CEP68: variants seen among roughly 807,000 people sequenced by gnomAD.
CEP68 encodes centrosomal protein of 68 kDa.
Under a neutral mutation model 55.3 loss-of-function variants are expected in CEP68, and 26 were observed. The ratio of observed to expected loss-of-function variants is 0.47; its 90% CI spans 0.34 to 0.65. CEP68 has a LOEUF of 0.65. Ranked by LOEUF, CEP68 falls within the 30% of genes least tolerant of loss-of-function variation. The pLI, the probability that CEP68 is intolerant of heterozygous loss-of-function variation, is 0.01. For synonymous variants in CEP68, 402 were observed against 383.2 expected (o/e 1.05, Z -0.57); for missense variants, 957 against 946.7 (o/e 1.01, Z -0.14).
rs183629174 is a variant in CEP68 at position 65,072,398 on chromosome 2, C to G, written c.1302C>G (p.Gly434=). ...RLTIGKHLDM[G]SPQLRTRDRG... is the part of the protein sequence containing the mutation. ...CTATAGGCAAGCACCTTGATATGGG[C>G]TCTCCCCAGCTAAGGACACGGGACA... The change falls in exon 3 of 7, where the codon GGC becomes GGG. Residue 434 remains glycine (G), a synonymous_variant. Coordinates refer to ENST00000377990, the MANE Select transcript of CEP68 (RefSeq NM_015147.3). 1.9e-6 allele frequency: 3 copies of G among 1,613,918 alleles called. No homozygotes were observed. The highest frequency in any genetic ancestry group is 1.7e-5 in the Admixed American group (1 of 60,016).
In CEP68 at chr2:65,072,144, C is replaced by T. The variant is rs1558562413; in HGVS notation, c.1048C>T (p.Pro350Ser). The change falls in exon 3 of 7, where the codon CCT (proline) becomes TCT (serine). Residue 350 changes from proline to serine, a missense_variant. Coordinates refer to ENST00000377990, the MANE Select transcript of CEP68 (RefSeq NM_015147.3). ...SVSPASTLKSPTNVSPNCPPA... is the reference protein window; with the variant it reads ...SVSPASTLKSSTNVSPNCPPA... Reference sequence around the variant, plus strand: ...CTCTCCAGCAAGCACCCTCAAATCACCTACTAATGTCTCCCCCAACTGCCC... The same window carrying T: ...CTCTCCAGCAAGCACCCTCAAATCATCTACTAATGTCTCCCCCAACTGCCC... The T allele has an allele frequency of 2.5e-6, 4 of 1,614,096 alleles. No homozygotes were observed.
chr2:65,061,524 C>T (rs1268117282), intron 1 of CEP68, among the ~76,000 whole-genome samples: 2 of 152,274 alleles, frequency 1.3e-5, no homozygotes, highest in African/African-American at 4.8e-5. Context: ...GTCTACCCTC[C>T]GTAGCTTTGA....
chr2:65,066,779 A>G (rs1177845727), intron 1 of CEP68, among the ~76,000 whole-genome samples: 1 of 138,724 alleles, frequency 7.2e-6, no homozygotes, highest in Non-Finnish European at 1.5e-5. Context: ...CACACACAAA[A>G]AAAAATTAGC....
rs377251972 is a variant in CEP68, at chr2:65,071,781, G to C, written c.685G>C (p.Glu229Gln). Reference sequence around the variant, plus strand: ...TCTGGCCAAGGTCTCCTCCTCCCTGGAGCCGGTCGTCCCCCAGGAACCTTC... The same window carrying C: ...TCTGGCCAAGGTCTCCTCCTCCCTGCAGCCGGTCGTCCCCCAGGAACCTTC... ...GSLAKVSSSL[E>Q]PVVPQEPSSV... Residue 229 changes from glutamate to glutamine, a missense_variant, in exon 3 of 7, where the codon GAG becomes CAG. Transcript: ENST00000377990. 1.9e-6 allele frequency: 3 copies of C among 1,611,690 alleles called. No individual in the cohort carries two copies. In the African/African-American group the frequency reaches 4.0e-5, roughly 22 times the overall value.
At chr2:65,075,902 C>G (rs78178735) in intron 4 of CEP68, among the ~76,000 whole-genome samples, 1 of 152,056 alleles carries the variant, frequency 6.6e-6, no homozygotes, top group African/African-American at 2.4e-5. Flanking sequence ...TTCCTGGGAC[C>G]GTACTCCAGC....
chr2:65,082,630 C>G lies in CEP68; in HGVS notation c.2199C>G (p.Asp733Glu). The G allele has an allele frequency of 6.2e-7, 1 of 1,612,444 alleles. No homozygotes were observed. Among genetic ancestry groups the G allele is most frequent in the South Asian group, 1.1e-5 (1 of 90,930 alleles). The change falls in exon 6 of 7, where the codon GAC becomes GAG. Residue 733 changes from aspartate to glutamate, a missense_variant. Physicochemically the swap from Asp to Glu is conservative, Grantham distance 45 (BLOSUM62 2). Transcript: ENST00000377990. Reference sequence around the variant, plus strand: ...ATGACTCTATCTTGGCCTCTCTGGACATGCTGGCTGGCTGCACCCTTATCC... The same window carrying G: ...ATGACTCTATCTTGGCCTCTCTGGAGATGCTGGCTGGCTGCACCCTTATCC... ...RLYDSILASL[D>E]MLAGCTLIPD...
chr2:65,072,359 G>A lies in CEP68; in HGVS notation c.1263G>A (p.Ala421=), dbSNP rs143142350. Residue 421 remains alanine, a synonymous_variant, in exon 3 of 7, where the codon GCG becomes GCA. Transcript: ENST00000377990. ...WERREPALRG[A]KDRLTIGKHL... ...GCAGAGAGCCAGCCCTGAGGGGTGC[G>A]AAGGACCGGCTGACTATAGGCAAGC... The A allele has an allele frequency of 4.8e-4, 772 of 1,613,918 alleles. 8 individuals are homozygous for A. The South Asian group carries it at 5.3e-3, about 11-fold the overall frequency.
At chr2:65,081,977 G>A (rs1357344116) in intron 5 of CEP68, among the ~76,000 whole-genome samples, 3 of 152,236 alleles carry the variant, frequency 2.0e-5, no homozygotes, top group Non-Finnish European at 4.4e-5. Flanking sequence ...TGGGATTACA[G>A]GCGTGAGCCA....
At chr2:65,076,995 C>CCT (rs1676795121) in intron 4 of CEP68, among the ~76,000 whole-genome samples, 8 of 118,264 alleles carry the variant, frequency 6.8e-5, no homozygotes, top group Non-Finnish European at 9.9e-5. Context: ...TTGACTTTAC[C>CCT]TTTTTTTTTT....
rs536880483 is a variant in CEP68, at chr2:65,074,985, G to A, written c.2007+581G>A. 24 of 188,872 alleles carry A rather than the reference G, an allele frequency of 1.3e-4. 1 individual carries two copies. In the South Asian group the frequency reaches 2.4e-3, roughly 19 times the overall value. The allele number at this position is 188,872 out of a possible 1,614,324, so 11.7% of individuals were successfully genotyped here. A position where few individuals can be genotyped will look rare whatever the true frequency, so the allele number is the denominator to read the frequency against. On this transcript the variant is annotated intron_variant, in intron 4 of 6. Coordinates refer to ENST00000377990, the MANE Select transcript of CEP68 (RefSeq NM_015147.3). ...GTTCAACCATCACATTTGTCTAGTG[G>A]CTACCACGTAGAACAGTGCAGATGT...
chr2:65,084,718 T>C lies in CEP68; in HGVS notation c.*1084T>C, dbSNP rs1668978181. On this transcript the variant is annotated 3_prime_UTR_variant, in exon 7 of 7. Transcript: ENST00000377990. ...TAAAGTCCTATTATTAATGTGACTT[T>C]TCTGCTTCAGAATTTCTGAGACTTT... 6.6e-6 allele frequency: 1 copy of C among 152,212 alleles called. No homozygotes were observed. The highest frequency in any genetic ancestry group is 1.5e-5 in the Non-Finnish European group (1 of 68,028). The allele number at this position is 152,212 out of a possible 1,614,324, so 9.4% of individuals were successfully genotyped here.
intron 1 of CEP68, among the ~76,000 whole-genome samples, chr2:65,067,810 T>G (rs1676266512): frequency 1.3e-5 from 2 of 152,196 alleles, no homozygotes; most frequent in South Asian, 4.1e-4. Flanking sequence ...ACCTGGTGGT[T>G]GTGGGAACTA....
Position 65,072,012 on chromosome 2 carries a change from A to G in CEP68, c.916A>G (p.Thr306Ala). 6.2e-7 allele frequency: 1 copy of G among 1,612,828 alleles called. No homozygotes were observed. Among genetic ancestry groups the G allele is most frequent in the Non-Finnish European group, 8.5e-7 (1 of 1,179,904 alleles). The change falls in exon 3 of 7, where the codon ACT (threonine) becomes GCT (alanine). Residue 306 changes from threonine to alanine, a missense_variant. Thr to Ala is a moderately conservative substitution (Grantham distance 58). Transcript: ENST00000377990. Reference protein sequence around the residue: ...NKEYEDLLDYTYPLRPGPQLP... With the variant: ...NKEYEDLLDYAYPLRPGPQLP... ...AGAGTATGAAGATCTGCTTGACTAT[A>G]CTTACCCACTGAGGCCCGGGCCTCA...
chr2:65,076,547 C>A (rs1676763649), intron 4 of CEP68, among the ~76,000 whole-genome samples: 1 of 152,198 alleles, frequency 6.6e-6, no homozygotes, highest in Non-Finnish European at 1.5e-5. Flanking sequence ...GCTATCTTGA[C>A]TCCTGCTTGG....
At chr2:65,063,732 T>C (rs961107762) in intron 1 of CEP68, among the ~76,000 whole-genome samples, 3 of 152,244 alleles carry the variant, frequency 2.0e-5, no homozygotes, top group Admixed American at 6.5e-5. Context: ...GGTTGAGTCC[T>C]AGGAATCCAA....
rs538053314 is a variant in CEP68, at chr2:65,066,774, AC to A, written c.-46-2624del. Among the ~76,000 whole-genome samples, 902 of 130,210 alleles carry A rather than the reference AC, an allele frequency of 6.9e-3. 11 individuals are homozygous for A. Among genetic ancestry groups the A allele is most frequent in the African/African-American group, 0.026 (866 of 33,790 alleles). The allele number at this position is 130,210 out of a possible 152,430, so 85.4% of individuals were successfully genotyped here. A position where few individuals can be genotyped will look rare whatever the true frequency, so the allele number is the denominator to read the frequency against. On this transcript the variant is annotated intron_variant, in intron 1 of 6. Transcript: ENST00000377990. ...TATATATATATATATATATACACACACAAAAAAAAATTAGCTGGGCATGGTG... is the reference window on the plus strand; with the variant it reads ...TATATATATATATATATATACACACAAAAAAAAAATTAGCTGGGCATGGTG...
At chr2:65,062,886 T>C (rs1675982139) in intron 1 of CEP68, among the ~76,000 whole-genome samples, 1 of 152,126 alleles carries the variant, frequency 6.6e-6, no homozygotes, top group African/African-American at 2.4e-5. Context: ...AAAGGAGGAT[T>C]GCTCTCTAGT....
chr2:65,066,745 A>AAAAAAAC (rs70943620), intron 1 of CEP68, among the ~76,000 whole-genome samples: 1 of 58,412 alleles, frequency 1.7e-5, no homozygotes, highest in South Asian at 5.6e-4. Context: ...AAAAAAAAAA[A>AAAAAAAC]ATATATATAT....
chr2:65,058,699 G>A (rs1308781867), intron 1 of CEP68, among the ~76,000 whole-genome samples: 1 of 151,668 alleles, frequency 6.6e-6, no homozygotes, highest in Non-Finnish European at 1.5e-5. Flanking sequence ...TAGAGACAGG[G>A]TTTCGCCATG....
Sources: allele counts gnomAD v4.1 joint callset (sites outside exome capture counted in the v4.1 genomes callset), GRCh38; gene constraint gnomAD v4.1.1; transcripts MANE v1.5; gene names NCBI Gene and HGNC (gene_info 2026-07-23, HGNC 2026-07-21).